NKAIN3: variants seen among roughly 807,000 people sequenced by gnomAD.
NKAIN3 encodes sodium/potassium transporting ATPase interacting 3, also known as sodium/potassium-transporting ATPase subunit beta-1-interacting protein 3.
In NKAIN3, 25 loss-of-function variants were observed where a neutral mutation model predicts 30.2. The ratio of observed to expected loss-of-function variants is 0.83; its 90% CI spans 0.60 to 1.16. NKAIN3 has a LOEUF of 1.16. Ranked by LOEUF, NKAIN3 falls within the 50% of genes most tolerant of loss-of-function variation. The pLI, the probability that NKAIN3 is intolerant of heterozygous loss-of-function variation, is 0.00. For missense variants in NKAIN3, 225 were observed against 254.1 expected, an observed-to-expected ratio of 0.89 and a Z score of 0.78; for synonymous variants, 91 against 89.6, an observed-to-expected ratio of 1.02 and a Z score of -0.09.
chr8:62,252,364 A>G (rs62510111), intron 1 of NKAIN3, among the ~76,000 whole-genome samples: 1 of 152,174 alleles, frequency 6.6e-6, no homozygotes, highest in Admixed American at 6.5e-5. Flanking sequence ...GCTTTTCGTT[A>G]TCTTATTCCC....
At chr8:62,626,171 G>T (rs538001673) in intron 3 of NKAIN3, among the ~76,000 whole-genome samples, 2 of 152,026 alleles carry the variant, frequency 1.3e-5, no homozygotes, top group Admixed American at 6.6e-5. Context: ...CACCAAAATA[G>T]GTAGGAAGGG....
At chr8:62,426,791 C>T (rs986697206) in intron 1 of NKAIN3, among the ~76,000 whole-genome samples, 3 of 151,842 alleles carry the variant, frequency 2.0e-5, no homozygotes, top group East Asian at 1.9e-4. Context: ...TCCCCCAGTT[C>T]GTTTGTTGAG....
chr8:62,686,339 C>T (rs897050373), intron 3 of NKAIN3, among the ~76,000 whole-genome samples: 14 of 152,168 alleles, frequency 9.2e-5, no homozygotes, highest in Non-Finnish European at 1.8e-4. Flanking sequence ...CCTGCCTATT[C>T]CTACTCTCCT....
At chr8:62,398,441 A>G (rs1428584387) in intron 1 of NKAIN3, among the ~76,000 whole-genome samples, 1 of 8,992 alleles carries the variant, frequency 1.1e-4, no homozygotes, top group Non-Finnish European at 4.8e-4. Context: ...TAAGCAAGTA[A>G]CATGAAAACT....
chr8:62,533,772 A>G (rs190162252), intron 1 of NKAIN3, among the ~76,000 whole-genome samples: 1 of 152,330 alleles, frequency 6.6e-6, no homozygotes, highest in African/African-American at 2.4e-5. Context: ...ATGGGAATTA[A>G]GCCTGAATTT....
chr8:62,763,713 G>A (rs16929558), intron 4 of NKAIN3, among the ~76,000 whole-genome samples: 26,553 of 152,134 alleles, frequency 0.17, 2,518 homozygotes, highest in East Asian at 0.29. Flanking sequence ...ATTACAAGAA[G>A]AAGAATCACA....
At chr8:62,457,053 G>C (rs1805846111) in intron 1 of NKAIN3, among the ~76,000 whole-genome samples, 1 of 152,188 alleles carries the variant, frequency 6.6e-6, no homozygotes, top group Non-Finnish European at 1.5e-5. Context: ...TATCTCCAGT[G>C]CCTGGCATGT....
At chr8:62,490,221 T>C (rs1807025421) in intron 1 of NKAIN3, among the ~76,000 whole-genome samples, 1 of 151,936 alleles carries the variant, frequency 6.6e-6, no homozygotes, top group Non-Finnish European at 1.5e-5. Flanking sequence ...TGGCCAAGCC[T>C]GATTCAATCA....
At chr8:62,462,569 C>T (rs980778532) in intron 1 of NKAIN3, among the ~76,000 whole-genome samples, 3 of 152,250 alleles carry the variant, frequency 2.0e-5, no homozygotes, top group African/African-American at 4.8e-5. Context: ...TATACTTTTA[C>T]GTTCTCTGAA....
intron 4 of NKAIN3, among the ~76,000 whole-genome samples, chr8:62,813,674 T>C (rs1818568913): frequency 6.6e-6 from 1 of 151,986 alleles, no homozygotes; most frequent in African/African-American, 2.4e-5. Context: ...TTGTTTGTGT[T>C]TGTGATTTGG....
At chr8:62,677,397 G>A (rs2130405995) in intron 3 of NKAIN3, among the ~76,000 whole-genome samples, 1 of 152,318 alleles carries the variant, frequency 6.6e-6, no homozygotes, top group South Asian at 2.1e-4. Context: ...TATTGGATGT[G>A]AGAAGGGGGC....
At chr8:62,361,081 A>T (rs1278868581) in intron 1 of NKAIN3, among the ~76,000 whole-genome samples, 3 of 151,844 alleles carry the variant, frequency 2.0e-5, no homozygotes, top group African/African-American at 7.3e-5. Context: ...AAACCCCCGC[A>T]TCACACTGCT....
At chr8:62,298,694 G>A (rs907227089) in intron 1 of NKAIN3, among the ~76,000 whole-genome samples, 35 of 152,074 alleles carry the variant, frequency 2.3e-4, no homozygotes, top group African/African-American at 8.2e-4. Context: ...TCAGTGTAAG[G>A]TAAGGGCACT....
chr8:62,417,900 T>A (rs999128627), intron 1 of NKAIN3, among the ~76,000 whole-genome samples: 14 of 152,208 alleles, frequency 9.2e-5, no homozygotes, highest in African/African-American at 3.4e-4. Flanking sequence ...ATTTGCAGGA[T>A]GTTGTTTTAT....
chr8:62,727,986 A>G (rs1815314155), intron 3 of NKAIN3, among the ~76,000 whole-genome samples: 1 of 152,230 alleles, frequency 6.6e-6, no homozygotes, highest in Non-Finnish European at 1.5e-5. Context: ...TTGCAAAAAT[A>G]TAAGTTTTGT....
chr8:62,905,200 A>G (rs1821740765), intron 4 of NKAIN3, among the ~76,000 whole-genome samples: 2 of 152,204 alleles, frequency 1.3e-5, no homozygotes, highest in African/African-American at 2.4e-5. Context: ...AGATGTGAGA[A>G]CAGGGTGAGG....
At chr8:62,823,960 A>G (rs1818938507) in intron 4 of NKAIN3, among the ~76,000 whole-genome samples, 1 of 152,184 alleles carries the variant, frequency 6.6e-6, no homozygotes, top group Admixed American at 6.5e-5. Flanking sequence ...GCTTGCATGA[A>G]TGAACACCTG....
intron 1 of NKAIN3, among the ~76,000 whole-genome samples, chr8:62,292,999 C>A (rs1481547084): frequency 6.6e-6 from 1 of 152,066 alleles, no homozygotes; most frequent in Non-Finnish European, 1.5e-5. Flanking sequence ...GTCATTGATA[C>A]CCTTTCTTCC....
At chr8:62,566,761 GATGA>G (rs1809767084) in intron 1 of NKAIN3, among the ~76,000 whole-genome samples, 2 of 152,072 alleles carry the variant, frequency 1.3e-5, no homozygotes, top group South Asian at 4.1e-4. Flanking sequence ...TCTTGAATTT[GATGA>G]ATGTCAGTAG....
Sources: gnomAD v4.1 joint callset for allele counts (sites outside exome capture counted in the v4.1 genomes callset) on GRCh38, gnomAD v4.1.1 for gene constraint, MANE v1.5 for transcripts, NCBI Gene and HGNC (gene_info 2026-07-23, HGNC 2026-07-21) for gene names.